The following PKN2 variants were observed in gnomAD, a reference collection of about 807,000 sequenced individuals.
PKN2 encodes serine/threonine-protein kinase N2.
A neutral mutation model predicts 119.1 loss-of-function variants in PKN2; 38 were observed. That is an observed-to-expected ratio of 0.32 (90% confidence interval 0.25 to 0.42). The LOEUF is 0.42. PKN2 is among the 10% of genes least tolerant of loss of function. The pLI, the probability that PKN2 is intolerant of heterozygous loss-of-function variation, is 1.00. For synonymous variants in PKN2, 390 were observed against 384.9 expected (o/e 1.01, Z -0.15); for missense variants, 850 against 1,165.1 (o/e 0.73, Z 3.94).
At chr1:88,759,414 G>C (rs1157769559) in intron 2 of PKN2, among the ~76,000 whole-genome samples, 3 of 152,160 alleles carry the variant, frequency 2.0e-5, no homozygotes, top group African/African-American at 7.2e-5. Flanking sequence ...TTGTGATTAT[G>C]ATTTGCATTT....
intron 7 of PKN2, 61 bp from the exon 8 acceptor site, chr1:88,786,043 G>C: frequency 1.1e-6 from 1 of 947,388 alleles, no homozygotes; most frequent in African/African-American, 1.6e-5. Flanking sequence ...TCAAACAGCA[G>C]TACTTCTGTT....
At chr1:88,710,994 T>C (rs1021082423) in intron 1 of PKN2, among the ~76,000 whole-genome samples, 1 of 152,168 alleles carries the variant, frequency 6.6e-6, no homozygotes, top group Non-Finnish European at 1.5e-5. Flanking sequence ...TTATGTCTTC[T>C]GTGGGGACAT....
At position 88,835,021 on chromosome 1, in the gene PKN2, T is replaced by G. The variant is rs758439570; in HGVS notation, c.*1573T>G. On this transcript the variant is annotated 3_prime_UTR_variant, in exon 22 of 22. Transcript: ENST00000370521. ...AAAAATTGTTCAGGTGTAAATCTTA[T>G]GAGAAACATGAAAAAGCACACTGAT... is the stretch of plus-strand genomic sequence containing the variant. The G allele has an allele frequency of 6.6e-6, 1 of 152,504 alleles. No homozygotes were observed. Among genetic ancestry groups the G allele is most frequent in the Non-Finnish European group, 1.5e-5 (1 of 67,934 alleles). The allele number at this position is 152,504 out of a possible 1,614,324, so 9.4% of individuals were successfully genotyped here.
intron 1 of PKN2, among the ~76,000 whole-genome samples, chr1:88,690,547 A>C (rs1174599964): frequency 6.6e-6 from 1 of 152,240 alleles, no homozygotes; most frequent in Non-Finnish European, 1.5e-5. Flanking sequence ...AAAGCTTTAA[A>C]AAGATTTAAA....
chr1:88,824,043 C>T (rs1020997481), intron 17 of PKN2, among the ~76,000 whole-genome samples: 23 of 148,706 alleles, frequency 1.5e-4, no homozygotes, highest in African/African-American at 5.7e-4. Context: ...ATTAGATTAT[C>T]ACAAATAACA....
intron 1 of PKN2, among the ~76,000 whole-genome samples, chr1:88,693,427 T>G (rs1335370681): frequency 6.6e-6 from 1 of 152,262 alleles, no homozygotes; most frequent in Non-Finnish European, 1.5e-5. Context: ...GTCCATTGTT[T>G]ATCATACAGT....
In PKN2 at chr1:88,697,520, T is replaced by C. The variant is rs75610006; in HGVS notation, c.48+12892T>C. ...GTGTGGGCCTTCATTATCATTTGGATGATTATAATATCTTGATATTTTACC... is the reference window on the plus strand; with the variant it reads ...GTGTGGGCCTTCATTATCATTTGGACGATTATAATATCTTGATATTTTACC... On this transcript the variant is annotated intron_variant, in intron 1 of 21. Transcript: ENST00000370521. Among the ~76,000 whole-genome samples, 654 of 152,320 alleles carry C rather than the reference T, an allele frequency of 4.3e-3. 2 individuals carry two copies. Among genetic ancestry groups the C allele is most frequent in the African/African-American group, 0.015 (613 of 41,580 alleles).
At chr1:88,806,203 G>T in intron 12 of PKN2, 186 bp downstream of exon 12, 2 of 568,862 alleles carry the variant, frequency 3.5e-6, no homozygotes, top group Non-Finnish European at 6.2e-6. Flanking sequence ...TACCCAGGCT[G>T]GAGTGCAATG....
Position 88,804,876 on chromosome 1 carries a change from A to C in PKN2, c.1456A>C (p.Arg486=). Residue 486 remains arginine, a synonymous_variant, in exon 10 of 22, where the codon AGA becomes CGA. Transcript: ENST00000370521. ...CTTTTTTAATCCAGTTATTGAAAGAAGACCAAAACTTCAAAGACAAAAGAA... is the reference window on the plus strand; with the variant it reads ...CTTTTTTAATCCAGTTATTGAAAGACGACCAAAACTTCAAAGACAAAAGAA... The part of the protein sequence containing the change: ...VTFFNPVIER[R]PKLQRQKKIF... The C allele has an allele frequency of 6.3e-7, 1 of 1,580,450 alleles. No homozygotes were observed. The highest frequency in any genetic ancestry group is 8.6e-7 in the Non-Finnish European group (1 of 1,156,220).
chr1:88,719,097 A>G (rs1376793346), intron 1 of PKN2, among the ~76,000 whole-genome samples: 1 of 152,230 alleles, frequency 6.6e-6, no homozygotes, highest in Non-Finnish European at 1.5e-5. Context: ...TGTCGTTAGC[A>G]TATACGAAGA....
chr1:88,827,658 C>T (rs1435223167), intron 18 of PKN2, among the ~76,000 whole-genome samples: 9 of 147,766 alleles, frequency 6.1e-5, no homozygotes, highest in Middle Eastern at 3.2e-3. Context: ...TCTCCCCTCC[C>T]CTCCCGTCCC....
intron 16 of PKN2, among the ~76,000 whole-genome samples, chr1:88,814,756 C>A (rs1452898649): frequency 6.6e-6 from 1 of 152,158 alleles, no homozygotes; most frequent in Non-Finnish European, 1.5e-5. Context: ...ATTAGCAAGT[C>A]CAGTCAACTC....
intron 3 of PKN2, among the ~76,000 whole-genome samples, chr1:88,770,027 T>C (rs925727729): frequency 2.6e-5 from 4 of 152,200 alleles, no homozygotes; most frequent in African/African-American, 9.6e-5. Context: ...TAATAATCAT[T>C]TCACTATATG....
chr1:88,687,562 A>G (rs1666152191), intron 1 of PKN2, among the ~76,000 whole-genome samples: 1 of 152,232 alleles, frequency 6.6e-6, no homozygotes, highest in Admixed American at 6.5e-5. Flanking sequence ...TAGAATGCAG[A>G]CCAAATATTG....
chr1:88,766,221 C>G (rs913418790), intron 3 of PKN2, among the ~76,000 whole-genome samples: 2 of 152,096 alleles, frequency 1.3e-5, no homozygotes, highest in Non-Finnish European at 2.9e-5. Context: ...GGATAACATT[C>G]TGATTGATTA....
At chr1:88,808,494 T>C (rs1247418191) in intron 15 of PKN2, among the ~76,000 whole-genome samples, 1 of 151,736 alleles carries the variant, frequency 6.6e-6, no homozygotes, top group Non-Finnish European at 1.5e-5. Flanking sequence ...TTAGTAGAAA[T>C]GGGGTTTCAC....
intron 1 of PKN2, among the ~76,000 whole-genome samples, chr1:88,717,093 T>G (rs1272130770): frequency 6.6e-6 from 1 of 152,142 alleles, no homozygotes; most frequent in African/African-American, 2.4e-5. Context: ...GGTTGAAAAT[T>G]CTTTTCTTTA....
chr1:88,816,283 G>A (rs952056876), intron 16 of PKN2, among the ~76,000 whole-genome samples: 8 of 152,048 alleles, frequency 5.3e-5, no homozygotes, highest in East Asian at 1.9e-4. Context: ...GTCTTGCTCC[G>A]TCTCCCAGGC....
chr1:88,800,252 G>C (rs1368734151), intron 8 of PKN2, among the ~76,000 whole-genome samples: 1 of 152,158 alleles, frequency 6.6e-6, no homozygotes, highest in East Asian at 1.9e-4. Flanking sequence ...TTATTAAGAA[G>C]TGCTTACTAG....
Sources: gnomAD v4.1 joint callset for allele counts (sites outside exome capture counted in the v4.1 genomes callset) on GRCh38, gnomAD v4.1.1 for gene constraint, MANE v1.5 for transcripts, NCBI Gene and HGNC (gene_info 2026-07-23, HGNC 2026-07-21) for gene names.